The following CEP170 variants were observed in gnomAD, a reference collection of about 807,000 sequenced individuals.
The protein encoded by CEP170 is centrosomal protein of 170 kDa.
Under a neutral mutation model 151.9 loss-of-function variants are expected in CEP170, and 21 were observed. That is an observed-to-expected ratio of 0.14 (90% CI 0.10 to 0.20). CEP170 has a LOEUF of 0.20. Among genes scored for constraint, CEP170 ranks in the 10% least tolerant of loss-of-function variants. The pLI is 1.00. For missense variants in CEP170, 964 were observed against 1,892.9 expected (o/e 0.51, Z 9.11); for synonymous variants, 356 against 648.8 (o/e 0.55, Z 6.86).
At chr1:243,202,933 G>A (rs2061152581) in intron 4 of CEP170, among the ~76,000 whole-genome samples, 1 of 152,170 alleles carries the variant, frequency 6.6e-6, no homozygotes, top group Admixed American at 6.5e-5. Flanking sequence ...CAACTTCCCA[G>A]GGCTCGTCTG....
Position 243,125,953 on chromosome 1 carries a change from T to C in CEP170, c.*496A>G. The C allele has an allele frequency of 2.8e-6, 1 of 356,668 alleles. No individual in the cohort carries two copies. Among genetic ancestry groups the C allele is most frequent in the South Asian group, 2.2e-5 (1 of 46,114 alleles). 22.1% of individuals were successfully genotyped at this position (356,668 alleles called of 1,614,324 possible). ...GAAAGGTCTGCTTTACTGTGGAGAG[T>C]ACTTATGTCATTGTGTCCAATGGTA... On this transcript the variant is annotated 3_prime_UTR_variant, in exon 20 of 20. Transcript: ENST00000366542.
At chr1:243,240,766 C>T (rs2064753487) in intron 1 of CEP170, among the ~76,000 whole-genome samples, 1 of 151,996 alleles carries the variant, frequency 6.6e-6, no homozygotes, top group African/African-American at 2.4e-5. Flanking sequence ...GATCTCAGCT[C>T]ACTGCTACCT....
At chr1:243,229,524 CA>C (rs989845309) in intron 1 of CEP170, among the ~76,000 whole-genome samples, 4 of 152,106 alleles carry the variant, frequency 2.6e-5, no homozygotes, top group Admixed American at 2.6e-4. Context: ...AAGAGGGTGA[CA>C]AATGTCATGG....
chr1:243,238,858 C>A (rs552104104), intron 1 of CEP170, among the ~76,000 whole-genome samples: 2 of 152,286 alleles, frequency 1.3e-5, no homozygotes, highest in Admixed American at 1.3e-4. Flanking sequence ...TCTAGTATTG[C>A]TATCTTAAAT....
At chr1:243,215,552 A>G (rs2062196712) in intron 3 of CEP170, among the ~76,000 whole-genome samples, 1 of 152,174 alleles carries the variant, frequency 6.6e-6, no homozygotes, top group Non-Finnish European at 1.5e-5. Context: ...TCCCAGGCTT[A>G]TTAGGACGAG....
chr1:243,138,028 C>T (rs2055343878), intron 16 of CEP170, among the ~76,000 whole-genome samples: 1 of 151,714 alleles, frequency 6.6e-6, no homozygotes, highest in Non-Finnish European at 1.5e-5. Context: ...ATTAGGAAGG[C>T]ATGAGAAAGG....
chr1:243,127,231 G>A (rs72757652), intron 19 of CEP170, among the ~76,000 whole-genome samples: 1 of 152,092 alleles, frequency 6.6e-6, no homozygotes, highest in Non-Finnish European at 1.5e-5. Context: ...GAGTGCTAGG[G>A]TTATCAGCTG....
intron 4 of CEP170, among the ~76,000 whole-genome samples, chr1:243,209,770 C>G (rs1222016995): frequency 6.6e-6 from 1 of 151,806 alleles, no homozygotes; most frequent in Non-Finnish European, 1.5e-5. Context: ...AGCTCCGCCT[C>G]CCGGGTTCAC....
chr1:243,242,850 G>A (rs914337951), intron 1 of CEP170, among the ~76,000 whole-genome samples: 5 of 152,056 alleles, frequency 3.3e-5, no homozygotes, highest in African/African-American at 7.2e-5. Flanking sequence ...ACAGGCATGC[G>A]CCATTGCGCC....
intron 14 of CEP170, among the ~76,000 whole-genome samples, chr1:243,147,246 G>C (rs2056612233): frequency 6.6e-6 from 1 of 152,192 alleles, no homozygotes; most frequent in Admixed American, 6.5e-5. Context: ...TTCCCCTGAA[G>C]CCTTTTCCTG....
Position 243,199,133 on chromosome 1 carries a change from A to T in CEP170, c.558T>A (p.Asp186Glu). ...TGAAAGCTCTTTTTTCATCCACCTC[A>T]TCATCCCCCCACCATGACGGCTGCC... ...LYGQPSWWGD[D>E]EVDEKRAFKT... The change falls in exon 7 of 20, where the codon GAT becomes GAA. Residue 186 changes from aspartate to glutamate, a missense_variant. By Grantham distance (45) the Asp-to-Glu change is conservative. Coordinates refer to ENST00000366542, the MANE Select transcript of CEP170 (RefSeq NM_014812.3). The T allele has an allele frequency of 3.1e-6, 5 of 1,612,118 alleles. No homozygotes were observed. Among genetic ancestry groups the T allele is most frequent in the Admixed American group, 1.7e-5 (1 of 59,764 alleles).
chr1:243,144,739 T>G (rs1274806812), intron 14 of CEP170, among the ~76,000 whole-genome samples: 1 of 152,154 alleles, frequency 6.6e-6, no homozygotes, highest in Non-Finnish European at 1.5e-5. Context: ...AATGAGCAAT[T>G]CTTAACGTAT....
chr1:243,156,703 G>A, intron 13 of CEP170: 1 of 350,070 alleles, frequency 2.9e-6, no homozygotes. Flanking sequence ...AGTGTGGTGA[G>A]TAAACATTCA....
At position 243,226,485 on chromosome 1, in the gene CEP170, T is replaced by C. The variant is rs188251479; in HGVS notation, c.-41-1164A>G. On this transcript the variant is annotated intron_variant, in intron 1 of 19. Transcript: ENST00000366542. ...ATTTAATCCATTGCCATATACTGCTTAACTTGAACTATATAAAGAAAACCT... is the reference window on the plus strand; with the variant it reads ...ATTTAATCCATTGCCATATACTGCTCAACTTGAACTATATAAAGAAAACCT... 2.1e-3 allele frequency among the ~76,000 whole-genome samples: 325 copies of C among 152,202 alleles called. 2 individuals are homozygous for C. Among genetic ancestry groups the C allele is most frequent in the African/African-American group, 7.4e-3 (308 of 41,552 alleles).
intron 4 of CEP170, among the ~76,000 whole-genome samples, chr1:243,208,909 T>C (rs2061592333): frequency 2.6e-5 from 4 of 151,838 alleles, no homozygotes. Context: ...AGGAGACATT[T>C]AATAAATAAT....
chr1:243,227,371 TTAAAG>T (rs1371365839), intron 1 of CEP170, among the ~76,000 whole-genome samples: 7 of 152,216 alleles, frequency 4.6e-5, no homozygotes, highest in East Asian at 1.9e-4. Context: ...AGTCATTTGT[TTAAAG>T]TAAAGTGGTA....
chr1:243,241,794 A>T (rs1205729032), intron 1 of CEP170, among the ~76,000 whole-genome samples: 1 of 69,466 alleles, frequency 1.4e-5, no homozygotes, highest in African/African-American at 4.3e-5. Flanking sequence ...CCTCTCATTA[A>T]AAAAAAAAAA....
chr1:243,205,198 A>G (rs1050291794), intron 4 of CEP170, among the ~76,000 whole-genome samples: 8 of 152,186 alleles, frequency 5.3e-5, no homozygotes, highest in African/African-American at 1.9e-4. Context: ...CCTGCACAGA[A>G]AGAGAATTCC....
At chr1:243,196,712 C>T (rs974400153) in intron 7 of CEP170, among the ~76,000 whole-genome samples, 2 of 152,058 alleles carry the variant, frequency 1.3e-5, no homozygotes, top group African/African-American at 4.8e-5. Context: ...CCTCTCAGTA[C>T]TAGGTGGCTC....
Sources: allele counts gnomAD v4.1 joint callset (sites outside exome capture counted in the v4.1 genomes callset), GRCh38; gene constraint gnomAD v4.1.1; transcripts MANE v1.5; gene names NCBI Gene and HGNC (gene_info 2026-07-23, HGNC 2026-07-21).